SLC6A16: variants seen among roughly 807,000 people sequenced by gnomAD.
The protein encoded by SLC6A16 is solute carrier family 6 member 16, also known as orphan sodium- and chloride-dependent neurotransmitter transporter NTT5.
A neutral mutation model predicts 65.4 loss-of-function variants in SLC6A16; 54 were observed. The observed-to-expected ratio is 0.83, with a 90% CI of 0.66 to 1.04. The LOEUF is 1.04. Ranked by LOEUF, SLC6A16 falls within the 50% of genes least tolerant of loss-of-function variation. The probability of loss-of-function intolerance (pLI) is 0.00; values close to 1 mark genes in which losing one functional copy is unlikely to be tolerated. For missense variants in SLC6A16, 816 were observed against 914.0 expected (o/e 0.89, Z 1.38); for synonymous variants, 330 against 346.5 (o/e 0.95, Z 0.53).
intron 1 of SLC6A16, among the ~76,000 whole-genome samples, chr19:49,314,090 C>T (rs1419664700): frequency 4.8e-5 from 3 of 62,730 alleles, no homozygotes; most frequent in Non-Finnish European, 8.1e-5. Flanking sequence ...AGTGAGACTC[C>T]GTCTCAAAAA....
In SLC6A16 at chr19:49,289,720, A is replaced by G. The variant is rs1195835549; in HGVS notation, c.*403T>C. 1 of 181,558 alleles carries G rather than the reference A, an allele frequency of 5.5e-6. No individual in the cohort carries two copies. Among genetic ancestry groups the G allele is most frequent in the African/African-American group, 2.4e-5 (1 of 42,068 alleles). 11.2% of individuals were successfully genotyped at this position (181,558 alleles called of 1,614,324 possible). A position where few individuals can be genotyped will look rare whatever the true frequency, so the allele number is the denominator to read the frequency against. Reference sequence around the variant, plus strand: ...AAGCCTTGTGACAGGAAAACTGAACATCTGAGACATCTATAGGAAAAAAAG... The same window carrying G: ...AAGCCTTGTGACAGGAAAACTGAACGTCTGAGACATCTATAGGAAAAAAAG... On this transcript the variant is annotated 3_prime_UTR_variant, in exon 12 of 12. Transcript: ENST00000335875.
intron 7 of SLC6A16, 25 bp downstream of exon 7, chr19:49,308,851 C>A: frequency 6.2e-7 from 1 of 1,613,264 alleles, no homozygotes; most frequent in Non-Finnish European, 8.5e-7. Flanking sequence ...GGAGCTGAGA[C>A]CCTTAACAAA....
the SLC6A16 span, chr19:49,339,850 C>T: frequency 5.3e-4 from 701 of 1,334,822 alleles, 5 homozygotes; most frequent in South Asian, 4.1e-3. The surrounding 1 kb of genome is among the most constrained non-coding windows in gnomAD (Gnocchi z 4.5). Context: ...AGACAAGGCA[C>T]CGCAGGGCAA....
the SLC6A16 span, chr19:49,339,944 A>T: frequency 7.2e-7 from 1 of 1,389,978 alleles, no homozygotes; most frequent in Non-Finnish European, 9.3e-7. This position sits in a 1 kb window ranked among gnomAD's most constrained non-coding sequence, Gnocchi z 4.5. Context: ...GCAGAATTAG[A>T]GGAGGCACAA....
At chr19:49,304,593 C>T (rs1295048769) in intron 7 of SLC6A16, among the ~76,000 whole-genome samples, 2 of 152,018 alleles carry the variant, frequency 1.3e-5, no homozygotes, top group Non-Finnish European at 1.5e-5. Flanking sequence ...TGGAGAAACC[C>T]CGTCTCTACT....
chr19:49,309,191 GGGA>G, intron 6 of SLC6A16, 74 bp from the exon 7 acceptor site: 1 of 1,598,488 alleles, frequency 6.3e-7, no homozygotes, highest in Non-Finnish European at 8.6e-7. Flanking sequence ...AAATGTTGCA[GGGA>G]GGAGAGAGGG....
At chr19:49,309,503 T>C in intron 5 of SLC6A16, 92 bp from the exon 6 acceptor site, 2 of 1,284,182 alleles carry the variant, frequency 1.6e-6, no homozygotes, top group Non-Finnish European at 2.2e-6. Context: ...CAGAAATGAG[T>C]AGGAGTTAGA....
intron 5 of SLC6A16, 80 bp downstream of exon 5, chr19:49,309,571 T>C (rs1414942426): frequency 7.9e-6 from 11 of 1,397,566 alleles, no homozygotes; most frequent in South Asian, 1.2e-5. Context: ...GAGTAAGAGA[T>C]TAGGAGATCA....
chr19:49,337,662 A>G, the SLC6A16 span: 2 of 1,520,238 alleles, frequency 1.3e-6, no homozygotes, highest in Non-Finnish European at 1.8e-6. Flanking sequence ...AGACAGGCAT[A>G]AACAGCTCCA....
the SLC6A16 span, chr19:49,337,062 G>C: frequency 6.2e-7 from 1 of 1,613,472 alleles, no homozygotes; most frequent in Non-Finnish European, 8.5e-7. Context: ...TCCGTCCCTA[G>C]GAACACTCCT....
At chr19:49,329,951 G>A (rs1159286281), upstream of SLC6A16, among the ~76,000 whole-genome samples, 2 of 152,002 alleles carry the variant, frequency 1.3e-5, no homozygotes, top group Admixed American at 6.6e-5. Context: ...TCTCTTAAAG[G>A]AAAGAAAAGT....
chr19:49,304,806 TA>T (rs1249980140), intron 7 of SLC6A16, among the ~76,000 whole-genome samples: 1 of 152,336 alleles, frequency 6.6e-6, no homozygotes. Context: ...GATCATCCAA[TA>T]TTTTTTTTAA....
the SLC6A16 span, chr19:49,340,200 G>A: frequency 5.3e-6 from 7 of 1,319,412 alleles, no homozygotes; most frequent in African/African-American, 1.5e-5. Context: ...CATCACCCCC[G>A]TCTCGCCAGC....
the SLC6A16 span, among the ~76,000 whole-genome samples, chr19:49,330,350 T>G: frequency 1.3e-5 from 2 of 152,114 alleles, no homozygotes; most frequent in East Asian, 3.8e-4. Flanking sequence ...GGGGAAAGTT[T>G]GAGGCTAGGC....
chr19:49,324,936 C>T lies in SLC6A16; in HGVS notation c.-65+112G>A, dbSNP rs80037720. On this transcript the variant is annotated intron_variant, in intron 1 of 11. Coordinates refer to ENST00000335875, the MANE Select transcript of SLC6A16 (RefSeq NM_014037.3). Reference sequence around the variant, plus strand: ...GGCAACCAGGAGGCTCCCAGCCAGTCACCTGTCACCCGTCAGTGGAGCCCA... The same window carrying T: ...GGCAACCAGGAGGCTCCCAGCCAGTTACCTGTCACCCGTCAGTGGAGCCCA... The T allele has an allele frequency of 7.1e-3, 4,404 of 617,818 alleles. 119 individuals carry two copies. The highest frequency in any genetic ancestry group is 0.062 in the African/African-American group (3,111 of 50,226). The allele number at this position is 617,818 out of a possible 1,614,324, so 38.3% of individuals were successfully genotyped here. A position where few individuals can be genotyped will look rare whatever the true frequency, so the allele number is the denominator to read the frequency against.
chr19:49,329,216 C>G (rs1391011884), upstream of SLC6A16, among the ~76,000 whole-genome samples: 1 of 151,984 alleles, frequency 6.6e-6, no homozygotes, highest in Non-Finnish European at 1.5e-5. Context: ...CCTCAGCCTC[C>G]CGAGTAGCTG....
the SLC6A16 span, among the ~76,000 whole-genome samples, chr19:49,330,623 A>G: frequency 6.6e-6 from 1 of 152,164 alleles, no homozygotes; most frequent in Non-Finnish European, 1.5e-5. Flanking sequence ...GTTAGTGCAC[A>G]TCAGTCACCA....
the SLC6A16 span, chr19:49,337,918 C>T: frequency 6.2e-7 from 1 of 1,613,902 alleles, no homozygotes; most frequent in Non-Finnish European, 8.5e-7. Flanking sequence ...CACTGGTGGC[C>T]TCTCAGCTGG....
At chr19:49,335,198 A>G in the SLC6A16 span, 1 of 305,586 alleles carries the variant, frequency 3.3e-6, no homozygotes. This position sits in a 1 kb window ranked among gnomAD's most constrained non-coding sequence, Gnocchi z 4.6. Flanking sequence ...CCAGTAGATC[A>G]GGGGTCCCTT....
Sources: allele counts gnomAD v4.1 joint callset (sites outside exome capture counted in the v4.1 genomes callset), GRCh38; gene constraint gnomAD v4.1.1; non-coding constraint Gnocchi (gnomAD v3.1); transcripts MANE v1.5; gene names NCBI Gene and HGNC (gene_info 2026-07-23, HGNC 2026-07-21).